Variants in CFDP1 observed in about 807,000 individuals in gnomAD.
CFDP1 encodes the protein chromatin remodeling protein CFDP1.
In CFDP1, 31 loss-of-function variants were observed where a neutral mutation model predicts 40.1. That is an observed-to-expected ratio of 0.77 (90% CI 0.58 to 1.04). CFDP1 has a LOEUF of 1.04. Among genes scored for constraint, CFDP1 ranks in the 50% least tolerant of loss-of-function variants. The pLI, the probability that CFDP1 is intolerant of heterozygous loss-of-function variation, is 0.00. For missense variants in CFDP1, 423 were observed against 343.4 expected (o/e 1.23, Z -1.83); for synonymous variants, 167 against 120.0 (o/e 1.39, Z -2.56).
intron 5 of CFDP1, among the ~76,000 whole-genome samples, chr16:75,317,983 T>C (rs952993680): frequency 1.3e-5 from 2 of 151,858 alleles, no homozygotes; most frequent in African/African-American, 2.4e-5. Context: ...TGGCCAAGCA[T>C]GGTGGTACAT....
chr16:75,408,959 G>A (rs768316949), intron 4 of CFDP1, among the ~76,000 whole-genome samples: 5 of 151,840 alleles, frequency 3.3e-5, no homozygotes, highest in Non-Finnish European at 7.4e-5. Flanking sequence ...CTGGATTCAA[G>A]TGATTCTCCT....
At chr16:75,314,609 T>C (rs2078313315) in intron 5 of CFDP1, among the ~76,000 whole-genome samples, 1 of 152,184 alleles carries the variant, frequency 6.6e-6, no homozygotes, top group Non-Finnish European at 1.5e-5. Flanking sequence ...CATTTAATTA[T>C]AGACTGGCAT....
intron 5 of CFDP1, among the ~76,000 whole-genome samples, chr16:75,333,146 T>G (rs1290681254): frequency 9.5e-6 from 1 of 105,756 alleles, no homozygotes; most frequent in Non-Finnish European, 1.9e-5. Context: ...TTTTTTGAGA[T>G]GGAGTCTCGC....
At chr16:75,386,703 C>G (rs537620770) in intron 5 of CFDP1, among the ~76,000 whole-genome samples, 1 of 152,096 alleles carries the variant, frequency 6.6e-6, no homozygotes, top group Non-Finnish European at 1.5e-5. Context: ...CCAGCCTGGG[C>G]AACAGAGTGA....
At chr16:75,342,297 C>G (rs953355545) in intron 5 of CFDP1, among the ~76,000 whole-genome samples, 2 of 152,236 alleles carry the variant, frequency 1.3e-5, no homozygotes, top group African/African-American at 4.8e-5. Flanking sequence ...CTACTTGCTA[C>G]AGTCACAAAT....
Position 75,433,326 on chromosome 16 carries a change from G to C in CFDP1, c.27C>G (p.Phe9Leu). 6.2e-7 allele frequency: 1 copy of C among 1,600,958 alleles called. No individual in the cohort carries two copies. Among genetic ancestry groups the C allele is most frequent in the Non-Finnish European group, 8.5e-7 (1 of 1,174,450 alleles). Residue 9 changes from phenylalanine (F) to leucine (L), a missense_variant, in exon 1 of 7, where the codon TTC becomes TTG. Physicochemically the swap from Phe to Leu is conservative, Grantham distance 22. Transcript: ENST00000283882. ...AGTCCTCGTCCTCCTCCGACGTAGA[G>C]AAGTCTTCGGAGTCGAATTCCTCCA... Reference protein sequence around the residue: MEEFDSEDFSTSEEDEDYV... With the variant: MEEFDSEDLSTSEEDEDYV...
At chr16:75,390,687 CAG>C (rs754797369) in intron 5 of CFDP1, among the ~76,000 whole-genome samples, 23 of 152,206 alleles carry the variant, frequency 1.5e-4, no homozygotes, top group Non-Finnish European at 2.5e-4. Flanking sequence ...TAAGAGGCTG[CAG>C]AGAGAGAAGA....
intron 5 of CFDP1, among the ~76,000 whole-genome samples, chr16:75,307,693 A>G (rs2078268061): frequency 6.6e-6 from 1 of 151,998 alleles, no homozygotes; most frequent in Non-Finnish European, 1.5e-5. Flanking sequence ...TGAGGTGCAG[A>G]GACTACAGGT....
At chr16:75,416,940 A>C (rs2079213464) in intron 1 of CFDP1, among the ~76,000 whole-genome samples, 1 of 152,156 alleles carries the variant, frequency 6.6e-6, no homozygotes, top group Admixed American at 6.6e-5. Flanking sequence ...GTTCCTGCTT[A>C]AGACAGCAAT....
chr16:75,357,273 G>C, intron 5 of CFDP1, among the ~76,000 whole-genome samples: 1 of 151,368 alleles, frequency 6.6e-6, no homozygotes. Context: ...TAATTTTTTT[G>C]AAACGAAGTC....
chr16:75,427,182 G>A (rs1199070416), intron 1 of CFDP1, among the ~76,000 whole-genome samples: 1 of 152,062 alleles, frequency 6.6e-6, no homozygotes, highest in South Asian at 2.1e-4. Flanking sequence ...TAAAATGATG[G>A]CAAACAGGAA....
intron 1 of CFDP1, among the ~76,000 whole-genome samples, chr16:75,425,079 TAAAA>T (rs200866884): frequency 6.8e-6 from 1 of 146,560 alleles, no homozygotes; most frequent in Non-Finnish European, 1.5e-5. Context: ...TTTTTACACC[TAAAA>T]AAAAAAGATA....
At chr16:75,339,875 G>T (rs956299094) in intron 5 of CFDP1, among the ~76,000 whole-genome samples, 1 of 152,166 alleles carries the variant, frequency 6.6e-6, no homozygotes, top group Non-Finnish European at 1.5e-5. Flanking sequence ...TCTTATAGTG[G>T]AAGACAAAGA....
intron 5 of CFDP1, among the ~76,000 whole-genome samples, chr16:75,346,332 C>T (rs949839021): frequency 3.3e-5 from 5 of 152,250 alleles, no homozygotes; most frequent in Middle Eastern, 6.8e-3. Flanking sequence ...GCCTGTAATT[C>T]CAGCACTTTG....
chr16:75,306,126 G>A (rs2078255379), intron 5 of CFDP1, among the ~76,000 whole-genome samples: 1 of 152,204 alleles, frequency 6.6e-6, no homozygotes, highest in African/African-American at 2.4e-5. Flanking sequence ...TCCGCCTCAC[G>A]GGGATATGCA....
chr16:75,323,275 C>T (rs1016865470), intron 5 of CFDP1, among the ~76,000 whole-genome samples: 55 of 151,678 alleles, frequency 3.6e-4, no homozygotes, highest in African/African-American at 1.3e-3. Flanking sequence ...CAGGCCTACA[C>T]AGGGTCAGGA....
rs1324117293 is a variant in CFDP1, at chr16:75,412,772, C to T, written c.183-18G>A. On this transcript the variant is annotated intron_variant, in intron 2 of 6. Coordinates refer to ENST00000283882, the MANE Select transcript of CFDP1 (RefSeq NM_006324.3). ...TTCTCTTCCTAATCACCAGCAGTCA[C>T]AGGAAAAAGGAAAGACAGCACAAAA... 6.3e-7 allele frequency: 1 copy of T among 1,598,908 alleles called. No individual in the cohort carries two copies. Among genetic ancestry groups the T allele is most frequent in the African/African-American group, 1.3e-5 (1 of 74,656 alleles).
chr16:75,314,867 T>G (rs2078314475), intron 5 of CFDP1, among the ~76,000 whole-genome samples: 1 of 152,140 alleles, frequency 6.6e-6, no homozygotes, highest in African/African-American at 2.4e-5. Flanking sequence ...TTCTCCTGTC[T>G]CAGCCTCCCA....
At chr16:75,299,261 C>A (rs751125931) in intron 6 of CFDP1, among the ~76,000 whole-genome samples, 1 of 152,140 alleles carries the variant, frequency 6.6e-6, no homozygotes, top group African/African-American at 2.4e-5. Context: ...ATCATTCTGA[C>A]GTATTATGCT....
Sources: allele counts gnomAD v4.1 joint callset (sites outside exome capture counted in the v4.1 genomes callset), GRCh38; gene constraint gnomAD v4.1.1; transcripts MANE v1.5; gene names NCBI Gene and HGNC (gene_info 2026-07-23, HGNC 2026-07-21).